DIPK1C: variants seen among roughly 807,000 people sequenced by gnomAD.
DIPK1C encodes divergent protein kinase domain 1C, also known as familial non-conventional Alzheimer's dementia.
Under a neutral mutation model 28.0 loss-of-function variants are expected in DIPK1C, and 33 were observed. The observed-to-expected ratio is 1.18, with a 90% CI of 0.89 to 1.58. DIPK1C has a LOEUF of 1.58. Among genes scored for constraint, DIPK1C ranks in the 40% most tolerant of loss-of-function variants. DIPK1C has a pLI of 0.00. For missense variants in DIPK1C, 569 were observed against 568.5 expected (o/e 1.00, Z -0.01); for synonymous variants, 255 against 248.8 (o/e 1.02, Z -0.23).
rs1455184238 is a variant in DIPK1C at position 74,447,253 on chromosome 18, C to T, written c.229G>A (p.Gly77Arg). The T allele has an allele frequency of 1.1e-5, 17 of 1,544,160 alleles. No homozygotes were observed. Among genetic ancestry groups the T allele is most frequent in the South Asian group, 4.8e-5 (4 of 83,520 alleles). The change falls in exon 2 of 4, where the codon GGG becomes AGG. Residue 77 changes from glycine to arginine, a missense_variant. Transcript: ENST00000343998. This position sits in a 1 kb window ranked among gnomAD's most constrained non-coding sequence, Gnocchi z 4.1. ...ACACACAGGTCCTCGCAGAGGTCCC[C>T]GGCCAGCGTGCCGCCCTGGTAGTCC... ...CQDYQGGTLA[G>R]DLCEDLCVAG...
chr18:74,453,954 G>C (rs935741917), intron 1 of DIPK1C, among the ~76,000 whole-genome samples: 2 of 152,224 alleles, frequency 1.3e-5, no homozygotes, highest in African/African-American at 4.8e-5. Flanking sequence ...CAGAGGAAGA[G>C]TCAACAGGCA....
upstream of DIPK1C, among the ~76,000 whole-genome samples, chr18:74,460,212 A>T (rs1282615591): frequency 6.6e-6 from 1 of 152,178 alleles, no homozygotes. Context: ...CAAATGATAC[A>T]TTCTCTTCAT....
rs886284749 is a variant in DIPK1C, at chr18:74,447,958, A to T, written c.199-675T>A. 5.9e-5 allele frequency among the ~76,000 whole-genome samples: 9 copies of T among 152,120 alleles called. No individual in the cohort carries two copies. The highest frequency in any genetic ancestry group is 1.2e-4 in the Non-Finnish European group (8 of 68,020). On this transcript the variant is annotated intron_variant, in intron 1 of 3. Transcript: ENST00000343998. This position sits in a 1 kb window ranked among gnomAD's most constrained non-coding sequence, Gnocchi z 4.1. Reference sequence around the variant, plus strand: ...AAGGAGGACCCATGCAGGATAAAAGAGTAGGGAGTGTTTGCATCTGAGCGG... The same window carrying T: ...AAGGAGGACCCATGCAGGATAAAAGTGTAGGGAGTGTTTGCATCTGAGCGG...
chr18:74,460,222 T>A (rs1986596471), upstream of DIPK1C, among the ~76,000 whole-genome samples: 1 of 152,246 alleles, frequency 6.6e-6, no homozygotes, highest in Non-Finnish European at 1.5e-5. Flanking sequence ...ATTCTCTTCA[T>A]GGCTTAAGCA....
At position 74,436,489 on chromosome 18, in the gene DIPK1C, G is replaced by A. The variant is rs766905760; in HGVS notation, c.*12C>T. The A allele has an allele frequency of 1.5e-5, 23 of 1,584,150 alleles. No individual in the cohort carries two copies. Among genetic ancestry groups the A allele is most frequent in the Middle Eastern group, 2.3e-4 (1 of 4,392 alleles). On this transcript the variant is annotated 3_prime_UTR_variant, in exon 4 of 4. Transcript: ENST00000343998. ...CTTTTCCTGTGTGAGCATGTTTAAG[G>A]CCAGAGAGTGGCTACTTCTCTGCCT...
rs915626305 is a variant in DIPK1C at position 74,436,249 on chromosome 18, G to A, written c.*252C>T. ...GCACACAGGTTGGTGTCTTCTGACC[G>A]AGAGCCCTCCTGAAGGGAGGTCTGT... On this transcript the variant is annotated 3_prime_UTR_variant, in exon 4 of 4. Transcript: ENST00000343998. 5 of 519,548 alleles carry A rather than the reference G, an allele frequency of 9.6e-6. No homozygotes were observed. The highest frequency in any genetic ancestry group is 3.7e-5 in the Admixed American group (1 of 27,012). The allele number at this position is 519,548 out of a possible 1,614,324, so 32.2% of individuals were successfully genotyped here.
At chr18:74,456,524 T>C (rs1244995617) in intron 1 of DIPK1C, among the ~76,000 whole-genome samples, 1 of 152,190 alleles carries the variant, frequency 6.6e-6, no homozygotes, top group Non-Finnish European at 1.5e-5. Context: ...GCCTGGGCTC[T>C]GGAGCGCAGG....
Position 74,447,306 on chromosome 18 carries a change from T to C in DIPK1C, c.199-23A>G, listed in dbSNP as rs1469539346. 6.7e-7 allele frequency: 1 copy of C among 1,502,118 alleles called. No homozygotes were observed. Among genetic ancestry groups the C allele is most frequent in the African/African-American group, 1.4e-5 (1 of 72,528 alleles). The allele number at this position is 1,502,118 out of a possible 1,614,324, so 93.0% of individuals were successfully genotyped here. ...GCACTGGAAGGAAGGGAACAGTCGG[T>C]CACCATGGGGAGGGCCTGGTGCCAT... is the stretch of plus-strand genomic sequence containing the variant. On this transcript the variant is annotated intron_variant, in intron 1 of 3. Coordinates refer to ENST00000343998, the MANE Select transcript of DIPK1C (RefSeq NM_001044369.3). The surrounding 1 kb of genome is among the most constrained non-coding windows in gnomAD (Gnocchi z 4.1).
intron 1 of DIPK1C, 112 bp downstream of exon 1, chr18:74,456,950 C>T: frequency 8.8e-7 from 1 of 1,136,688 alleles, no homozygotes; most frequent in Non-Finnish European, 1.1e-6. Context: ...GAACCCATGT[C>T]CCCGGCGGGT....
intron 1 of DIPK1C, among the ~76,000 whole-genome samples, chr18:74,454,097 C>T (rs1037043419): frequency 1.3e-5 from 2 of 152,138 alleles, no homozygotes; most frequent in African/African-American, 2.4e-5. Flanking sequence ...ACTAGAAAAG[C>T]GGGCCTCCAG....
intron 1 of DIPK1C, among the ~76,000 whole-genome samples, chr18:74,452,682 A>G (rs553503426): frequency 2.5e-3 from 374 of 152,302 alleles, no homozygotes; most frequent in African/African-American, 8.5e-3. Context: ...TGGGAGGTAG[A>G]GGCTGCAGTG....
chr18:74,458,586 G>C (rs1416321827), upstream of DIPK1C, among the ~76,000 whole-genome samples: 2 of 152,178 alleles, frequency 1.3e-5, no homozygotes, highest in Admixed American at 6.5e-5. Flanking sequence ...AATATGCCCC[G>C]AATGCAACAG....
At chr18:74,460,161 C>A (rs1378695367), upstream of DIPK1C, among the ~76,000 whole-genome samples, 1 of 152,218 alleles carries the variant, frequency 6.6e-6, no homozygotes, top group East Asian at 1.9e-4. Context: ...TGGAGAGGGA[C>A]TTCTGAGGAT....
intron 1 of DIPK1C, among the ~76,000 whole-genome samples, chr18:74,453,693 G>A (rs935745220): frequency 1.3e-5 from 2 of 152,130 alleles, no homozygotes; most frequent in African/African-American, 4.8e-5. Flanking sequence ...TTAAGTATAC[G>A]AGTTGTTATG....
rs190527633 is a variant in DIPK1C, at chr18:74,435,694, C to T, written c.*807G>A. 1 of 152,208 alleles carries T rather than the reference C, an allele frequency of 6.6e-6. No homozygotes were observed. Among genetic ancestry groups the T allele is most frequent in the South Asian group, 2.1e-4 (1 of 4,830 alleles). The allele number at this position is 152,208 out of a possible 1,614,324, so 9.4% of individuals were successfully genotyped here. On this transcript the variant is annotated 3_prime_UTR_variant, in exon 4 of 4. Transcript: ENST00000343998. The stretch of plus-strand genomic sequence containing the variant: ...AAAAATACTATAAGCTGCCGTTACA[C>T]ACGCTCTCCAATGCAAATTCCCTTC...
In DIPK1C at chr18:74,446,706, C is replaced by T; in HGVS notation, c.776G>A (p.Ser259Asn). The T allele has an allele frequency of 6.5e-7, 1 of 1,541,900 alleles. No homozygotes were observed. The highest frequency in any genetic ancestry group is 8.8e-7 in the Non-Finnish European group (1 of 1,142,132). ...AAAATGGTTCACCATGTCCAAGAAG[C>T]TGAGTGCGATGTCACTGATGGCCTT... ...QAKAISDIALSFLDMVNHFDS... is the reference protein window; with the variant it reads ...QAKAISDIALNFLDMVNHFDS... Residue 259 changes from serine to asparagine, a missense_variant, in exon 2 of 4, where the codon AGC (serine) becomes AAC (asparagine). Coordinates refer to ENST00000343998, the MANE Select transcript of DIPK1C (RefSeq NM_001044369.3).
At chr18:74,458,315 A>T (rs1454126436), upstream of DIPK1C, among the ~76,000 whole-genome samples, 3 of 152,178 alleles carry the variant, frequency 2.0e-5, no homozygotes, top group Non-Finnish European at 4.4e-5. Flanking sequence ...AGTACGTGCC[A>T]GCCCATCCCG....
chr18:74,448,276 C>T (rs1986319339), intron 1 of DIPK1C, among the ~76,000 whole-genome samples: 1 of 152,016 alleles, frequency 6.6e-6, no homozygotes, highest in Non-Finnish European at 1.5e-5. Context: ...ATTTCCCCGA[C>T]AAATGAATCT....
chr18:74,441,056 C>G (rs1986111644), intron 3 of DIPK1C, among the ~76,000 whole-genome samples: 1 of 152,224 alleles, frequency 6.6e-6, no homozygotes, highest in Admixed American at 6.5e-5. Context: ...CCCAAATCAT[C>G]CCCCATCACA....
Sources: allele counts gnomAD v4.1 joint callset (sites outside exome capture counted in the v4.1 genomes callset), GRCh38; gene constraint gnomAD v4.1.1; non-coding constraint Gnocchi (gnomAD v3.1); transcripts MANE v1.5; gene names NCBI Gene and HGNC (gene_info 2026-07-23, HGNC 2026-07-21).